Variants in PPARGC1A observed in about 807,000 individuals in gnomAD.
PPARGC1A encodes peroxisome proliferator-activated receptor gamma coactivator 1-alpha.
In PPARGC1A, 25 loss-of-function variants were observed where a neutral mutation model predicts 88.7. The ratio of observed to expected loss-of-function variants is 0.28; its 90% CI spans 0.21 to 0.39. The LOEUF is 0.39. PPARGC1A is among the 10% of genes least tolerant of loss of function. PPARGC1A has a pLI of 1.00. For synonymous variants in PPARGC1A, 363 were observed against 355.6 expected, an observed-to-expected ratio of 1.02 and a Z score of -0.24; for missense variants, 880 against 968.7, an observed-to-expected ratio of 0.91 and a Z score of 1.22.
chr4:24,264,179 T>C, the PPARGC1A span, among the ~76,000 whole-genome samples: 3 of 152,284 alleles, frequency 2.0e-5, no homozygotes, highest in South Asian at 4.1e-4. Flanking sequence ...TAGTAGACTA[T>C]CAGTAGTTAA....
At chr4:24,000,761 A>C in the PPARGC1A span, among the ~76,000 whole-genome samples, 1 of 152,212 alleles carries the variant, frequency 6.6e-6, no homozygotes, top group Non-Finnish European at 1.5e-5. Context: ...GAAATTTAAC[A>C]ACTACTTATT....
At chr4:23,910,312 A>AATATTATATATTATATTAT in the PPARGC1A span, among the ~76,000 whole-genome samples, 545 of 47,408 alleles carry the variant, frequency 0.011, 16 homozygotes, top group African/African-American at 0.084. Flanking sequence ...CCCTATATAT[A>AATATTATATATTATATTAT]ATATTATATA....
At position 23,795,673 on chromosome 4, in the gene PPARGC1A, GTTGTA is replaced by G; in HGVS notation, c.*144_*148del. 1.7e-6 allele frequency: 1 copy of G among 575,476 alleles called. No homozygotes were observed. The highest frequency in any genetic ancestry group is 2.3e-5 in the South Asian group (1 of 43,766). The allele number at this position is 575,476 out of a possible 1,614,324, so 35.6% of individuals were successfully genotyped here. On this transcript the variant is annotated 3_prime_UTR_variant, in exon 13 of 13. Transcript: ENST00000264867. The stretch of plus-strand genomic sequence containing the variant: ...TGTTGTTATTGTTGTTGTTGTTCTT[GTTGTA>G]TTGTTGTTGTTTTGTTTTGTTTTTG...
chr4:24,345,132 G>T, the PPARGC1A span, among the ~76,000 whole-genome samples: 1 of 152,054 alleles, frequency 6.6e-6, no homozygotes, highest in Non-Finnish European at 1.5e-5. Flanking sequence ...TTTTATACCA[G>T]TACCACACTG....
the PPARGC1A span, among the ~76,000 whole-genome samples, chr4:24,289,988 T>C: frequency 0.066 from 9,968 of 152,156 alleles, 933 homozygotes; most frequent in African/African-American, 0.2. Context: ...ACATCTTACA[T>C]GGTAGCAGGC....
the PPARGC1A span, among the ~76,000 whole-genome samples, chr4:24,065,349 C>A: frequency 1.3e-5 from 2 of 152,262 alleles, no homozygotes; most frequent in East Asian, 1.9e-4. Context: ...TTCACTCAAG[C>A]TTTCATCAAC....
the PPARGC1A span, among the ~76,000 whole-genome samples, chr4:24,197,023 A>G: frequency 1.3e-5 from 2 of 152,216 alleles, no homozygotes; most frequent in Non-Finnish European, 2.9e-5. Flanking sequence ...TCCATAAAAA[A>G]CTTACACGGT....
At chr4:24,105,417 T>C in the PPARGC1A span, among the ~76,000 whole-genome samples, 1 of 152,056 alleles carries the variant, frequency 6.6e-6, no homozygotes, top group Non-Finnish European at 1.5e-5. Context: ...AGGTAAGAGA[T>C]AAAAGGGCCT....
At chr4:23,838,336 C>T (rs536036561) in intron 2 of PPARGC1A, among the ~76,000 whole-genome samples, 7 of 152,242 alleles carry the variant, frequency 4.6e-5, no homozygotes, top group African/African-American at 1.2e-4. Flanking sequence ...CAAAAGTGGG[C>T]GGACTCCCAC....
At chr4:23,989,116 G>C in the PPARGC1A span, among the ~76,000 whole-genome samples, 1 of 151,636 alleles carries the variant, frequency 6.6e-6, no homozygotes, top group Non-Finnish European at 1.5e-5. Flanking sequence ...AAGGTTGCCT[G>C]CAAGTATATA....
the PPARGC1A span, among the ~76,000 whole-genome samples, chr4:24,090,917 G>A: frequency 6.6e-6 from 1 of 152,164 alleles, no homozygotes; most frequent in African/African-American, 2.4e-5. Context: ...AATGAAAACT[G>A]CTTCTACACC....
chr4:23,985,119 C>G, the PPARGC1A span, among the ~76,000 whole-genome samples: 1 of 152,128 alleles, frequency 6.6e-6, no homozygotes, highest in Non-Finnish European at 1.5e-5. Context: ...GAGTTACTAA[C>G]AGTCTTCAAG....
the PPARGC1A span, among the ~76,000 whole-genome samples, chr4:24,095,113 G>GTTT: frequency 8.5e-6 from 1 of 118,066 alleles, no homozygotes; most frequent in African/African-American, 3.6e-5. Flanking sequence ...TAGAAATAGG[G>GTTT]TCTTTTTTTT....
the PPARGC1A span, among the ~76,000 whole-genome samples, chr4:24,298,203 GAA>G: frequency 1.3e-5 from 2 of 150,130 alleles, no homozygotes; most frequent in African/African-American, 4.9e-5. Flanking sequence ...AAAAAGATAA[GAA>G]AGAAAAGGAG....
At chr4:24,087,593 C>T in the PPARGC1A span, among the ~76,000 whole-genome samples, 1 of 152,202 alleles carries the variant, frequency 6.6e-6, no homozygotes, top group Non-Finnish European at 1.5e-5. Context: ...TCCAAGTCCT[C>T]ATGCAAGCGT....
chr4:24,135,271 T>C, the PPARGC1A span, among the ~76,000 whole-genome samples: 1 of 152,118 alleles, frequency 6.6e-6, no homozygotes, highest in Non-Finnish European at 1.5e-5. Flanking sequence ...TCAGGCATAG[T>C]TGTAGGAGGG....
chr4:23,928,538 T>G, the PPARGC1A span, among the ~76,000 whole-genome samples: 1 of 152,002 alleles, frequency 6.6e-6, no homozygotes, highest in African/African-American at 2.4e-5. Context: ...GAAGACAGGG[T>G]GGGGATTCCT....
At chr4:23,847,714 T>C (rs1262271569) in intron 2 of PPARGC1A, among the ~76,000 whole-genome samples, 1 of 152,196 alleles carries the variant, frequency 6.6e-6, no homozygotes, top group Non-Finnish European at 1.5e-5. Flanking sequence ...CATTAAATAT[T>C]ATGAAACGAA....
At chr4:24,105,086 T>C in the PPARGC1A span, among the ~76,000 whole-genome samples, 1 of 152,186 alleles carries the variant, frequency 6.6e-6, no homozygotes, top group Admixed American at 6.5e-5. Flanking sequence ...GCTATTTACA[T>C]TGGAACATGT....
Sources: allele counts gnomAD v4.1 joint callset (sites outside exome capture counted in the v4.1 genomes callset), GRCh38; gene constraint gnomAD v4.1.1; transcripts MANE v1.5; gene names NCBI Gene and HGNC (gene_info 2026-07-23, HGNC 2026-07-21).